The following THSD7A variants were observed in gnomAD, a reference collection of about 807,000 sequenced individuals.
THSD7A encodes the protein thrombospondin type-1 domain-containing protein 7A.
Under a neutral mutation model 231.3 loss-of-function variants are expected in THSD7A, and 96 were observed. That is an observed-to-expected ratio of 0.41 (90% CI 0.35 to 0.49). The LOEUF is 0.49. Among genes scored for constraint, THSD7A ranks in the 20% least tolerant of loss-of-function variants. The probability of loss-of-function intolerance (pLI) is 0.05; values close to 1 mark genes in which losing one functional copy is unlikely to be tolerated. For synonymous variants in THSD7A, 940 were observed against 743.3 expected (o/e 1.26, Z -4.30); for missense variants, 2,290 against 2,070.2 (o/e 1.11, Z -2.06).
intron 6 of THSD7A, among the ~76,000 whole-genome samples, chr7:11,502,382 C>A (rs565725038): frequency 9.1e-4 from 139 of 152,250 alleles, no homozygotes; most frequent in African/African-American, 3.2e-3. Flanking sequence ...ATGCAACTAA[C>A]CTTAGCAAAA....
chr7:11,466,369 A>T (rs1409837906), intron 9 of THSD7A, among the ~76,000 whole-genome samples: 1 of 152,162 alleles, frequency 6.6e-6, no homozygotes, highest in Non-Finnish European at 1.5e-5. Context: ...GAAAAAAACT[A>T]ACCTCATGCC....
At chr7:11,404,339 G>C (rs530809884) in intron 22 of THSD7A, among the ~76,000 whole-genome samples, 2 of 152,172 alleles carry the variant, frequency 1.3e-5, no homozygotes, top group Admixed American at 6.5e-5. Flanking sequence ...CATGTGAGGA[G>C]TGTCCATAGT....
intron 2 of THSD7A, among the ~76,000 whole-genome samples, chr7:11,604,345 C>A (rs370745129): frequency 2.1e-4 from 32 of 151,968 alleles, no homozygotes; most frequent in African/African-American, 7.5e-4. Flanking sequence ...TACAAAGAAC[C>A]GGGTACCGTG....
At chr7:11,581,121 A>G (rs910707419) in intron 4 of THSD7A, among the ~76,000 whole-genome samples, 3 of 152,104 alleles carry the variant, frequency 2.0e-5, no homozygotes, top group African/African-American at 7.2e-5. Flanking sequence ...TGTGTTCCCA[A>G]CATACACATT....
At position 11,373,058 on chromosome 7, in the gene THSD7A, G is replaced by GAT. The variant is rs1782119594; in HGVS notation, c.*2735_*2736insAT. 7.5e-6 allele frequency: 1 copy of GAT among 134,026 alleles called. No individual in the cohort carries two copies. The highest frequency in any genetic ancestry group is 7.6e-5 in the Admixed American group (1 of 13,218). 8.3% of individuals were successfully genotyped at this position (134,026 alleles called of 1,614,324 possible). Reference sequence around the variant, plus strand: ...TAATTTCCTCTCTCTCATATATATGGGTGTGTGTGTGTGTGTGTGTATATA... The same window carrying GAT: ...TAATTTCCTCTCTCTCATATATATGGATGTGTGTGTGTGTGTGTGTGTATATA... On this transcript the variant is annotated 3_prime_UTR_variant, in exon 28 of 28. Transcript: ENST00000423059.
chr7:11,443,535 G>A (rs1784869231), intron 13 of THSD7A, among the ~76,000 whole-genome samples: 1 of 151,882 alleles, frequency 6.6e-6, no homozygotes, highest in African/African-American at 2.4e-5. Context: ...AGCAATGCAT[G>A]TATATTAACC....
At chr7:11,774,947 C>T (rs936341407) in intron 1 of THSD7A, among the ~76,000 whole-genome samples, 2 of 151,962 alleles carry the variant, frequency 1.3e-5, no homozygotes, top group Non-Finnish European at 2.9e-5. Context: ...TCCAGCTACT[C>T]GGGAGGCTGA....
chr7:11,790,798 C>A (rs1314045077), intron 1 of THSD7A, among the ~76,000 whole-genome samples: 2 of 151,928 alleles, frequency 1.3e-5, no homozygotes, highest in African/African-American at 2.4e-5. Flanking sequence ...CAAAGACTGG[C>A]AGACAATTCT....
At chr7:11,542,330 A>C (rs1789186921) in intron 5 of THSD7A, among the ~76,000 whole-genome samples, 1 of 152,238 alleles carries the variant, frequency 6.6e-6, no homozygotes, top group Non-Finnish European at 1.5e-5. Flanking sequence ...GAATCACTAG[A>C]AGACTGGTCT....
intron 1 of THSD7A, among the ~76,000 whole-genome samples, chr7:11,770,712 C>A: frequency 6.6e-6 from 1 of 152,098 alleles, no homozygotes; most frequent in Non-Finnish European, 1.5e-5. Context: ...ACTTCCATTA[C>A]TTTGAGAAAA....
intron 19 of THSD7A, among the ~76,000 whole-genome samples, chr7:11,409,493 G>T (rs1472656267): frequency 6.6e-6 from 1 of 152,124 alleles, no homozygotes; most frequent in Non-Finnish European, 1.5e-5. Flanking sequence ...TTATTTCCCA[G>T]GTTTTTACTC....
At chr7:11,705,252 C>A (rs1780727200) in intron 1 of THSD7A, among the ~76,000 whole-genome samples, 1 of 150,814 alleles carries the variant, frequency 6.6e-6, no homozygotes, top group Non-Finnish European at 1.5e-5. Flanking sequence ...ATTGTATTTG[C>A]TTAAAGAGAG....
chr7:11,638,490 T>A lies in THSD7A; in HGVS notation c.191-1529A>T, dbSNP rs181937259. Among the ~76,000 whole-genome samples, 41 of 152,314 alleles carry A rather than the reference T, an allele frequency of 2.7e-4. No individual in the cohort carries two copies. In the East Asian group the frequency reaches 7.9e-3, roughly 29 times the overall value. On this transcript the variant is annotated intron_variant, in intron 1 of 27. Transcript: ENST00000423059. ...TTAATTTTGCTTAATGAGAAAGATG[T>A]TTAAAGTTTGTTGAGAATTTCCTTA...
At chr7:11,772,661 T>C (rs556371724) in intron 1 of THSD7A, among the ~76,000 whole-genome samples, 62 of 152,148 alleles carry the variant, frequency 4.1e-4, no homozygotes, top group Non-Finnish European at 8.1e-4. Context: ...GAGCTAAATG[T>C]TGAGTATACA....
chr7:11,767,382 C>G (rs1007409879), intron 1 of THSD7A, among the ~76,000 whole-genome samples: 2 of 152,108 alleles, frequency 1.3e-5, no homozygotes, highest in Admixed American at 1.3e-4. Flanking sequence ...GTCACATCAG[C>G]TTTTTTACTG....
rs181585714 is a variant in THSD7A, at chr7:11,507,484, A to C, written c.1823-25502T>G. Among the ~76,000 whole-genome samples, 346 of 152,184 alleles carry C rather than the reference A, an allele frequency of 2.3e-3. 1 individual carries two copies. Among genetic ancestry groups the C allele is most frequent in the African/African-American group, 7.8e-3 (326 of 41,534 alleles). ...ATTCTGCTTTATTCTTCAAGTGTTT[A>C]TACTGACTTGTGTATGAAATAAGTA... On this transcript the variant is annotated intron_variant, in intron 6 of 27. Transcript: ENST00000423059.
intron 6 of THSD7A, among the ~76,000 whole-genome samples, chr7:11,522,360 T>C (rs1430438501): frequency 1.3e-5 from 2 of 152,196 alleles, no homozygotes; most frequent in Admixed American, 6.5e-5. Context: ...TGGAAATCAA[T>C]ATAACTTAAA....
At chr7:11,499,236 G>A (rs1342229808) in intron 6 of THSD7A, among the ~76,000 whole-genome samples, 1 of 152,134 alleles carries the variant, frequency 6.6e-6, no homozygotes, top group Non-Finnish European at 1.5e-5. Flanking sequence ...TCCTGGCTTG[G>A]GCCCTCAGCA....
At chr7:11,635,089 G>T (rs1379379188) in intron 2 of THSD7A, among the ~76,000 whole-genome samples, 2 of 152,084 alleles carry the variant, frequency 1.3e-5, no homozygotes, top group Non-Finnish European at 1.5e-5. Context: ...ATTTCCAGAG[G>T]CCATAAGAAA....
Sources: gnomAD v4.1 joint callset for allele counts (sites outside exome capture counted in the v4.1 genomes callset) on GRCh38, gnomAD v4.1.1 for gene constraint, MANE v1.5 for transcripts, NCBI Gene and HGNC (gene_info 2026-07-23, HGNC 2026-07-21) for gene names.